NF2: variants seen among roughly 807,000 people sequenced by gnomAD.
The protein encoded by NF2 is NF2, moesin-ezrin-radixin like (MERLIN) tumor suppressor.
NF2 carries 8 observed loss-of-function variants against 83.7 expected under a neutral mutation model. That is an observed-to-expected ratio of 0.10 (90% confidence interval 0.06 to 0.17). NF2 has a LOEUF of 0.17. Among genes scored for constraint, NF2 ranks in the 10% least tolerant of loss-of-function variants. The pLI is 1.00. For missense variants in NF2, 533 were observed against 744.4 expected, an observed-to-expected ratio of 0.72 and a Z score of 3.31; for synonymous variants, 266 against 269.6, an observed-to-expected ratio of 0.99 and a Z score of 0.13.
intron 1 of NF2, among the ~76,000 whole-genome samples, chr22:29,608,400 A>C (rs73390916): frequency 0.034 from 5,077 of 149,748 alleles, 294 homozygotes; most frequent in African/African-American, 0.12. Context: ...TGCCTCAGCC[A>C]CCGCACAGTG....
intron 1 of NF2, among the ~76,000 whole-genome samples, chr22:29,615,585 A>G (rs1479135890): frequency 1.3e-5 from 2 of 151,946 alleles, no homozygotes; most frequent in African/African-American, 4.8e-5. Flanking sequence ...AAGGAAGACA[A>G]TTAGCTGGGT....
Position 29,685,300 on chromosome 22 carries a change from G to A in NF2, c.1737+3699G>A, listed in dbSNP as rs149044155. On this transcript the variant is annotated intron_variant, in intron 15 of 15. Coordinates refer to ENST00000338641, the MANE Select transcript of NF2 (RefSeq NM_000268.4). Reference sequence around the variant, plus strand: ...TTTTTGTATTTTTTATAGAGATGGGGTTTCGCCATGTTGCCCAGGCTGGTC... The same window carrying A: ...TTTTTGTATTTTTTATAGAGATGGGATTTCGCCATGTTGCCCAGGCTGGTC... Among the ~76,000 whole-genome samples the A allele has an allele frequency of 3.4e-3, 512 of 151,958 alleles. 1 individual carries two copies. Among genetic ancestry groups the A allele is most frequent in the African/African-American group, 0.012 (481 of 41,430 alleles).
At chr22:29,648,190 T>G (rs1410326412) in intron 4 of NF2, among the ~76,000 whole-genome samples, 1 of 151,392 alleles carries the variant, frequency 6.6e-6, no homozygotes, top group Non-Finnish European at 1.5e-5. Flanking sequence ...AAAAGGTAGG[T>G]GTCTAGAAGA....
At position 29,613,055 on chromosome 22, in the gene NF2, C is replaced by T. The variant is rs186129599; in HGVS notation, c.114+8943C>T. On this transcript the variant is annotated intron_variant, in intron 1 of 15. Transcript: ENST00000338641. ...CTTGCGGTGAGCTGAGATCACGCGC[C>T]ACTGCACTCCAGCTTGGGCAACAAG... 9.6e-4 allele frequency among the ~76,000 whole-genome samples: 146 copies of T among 151,470 alleles called. 1 individual carries two copies. The highest frequency in any genetic ancestry group is 1.4e-3 in the Admixed American group (22 of 15,228).
chr22:29,658,403 A>G (rs2066378692), intron 7 of NF2, 139 bp downstream of exon 7: 1 of 826,342 alleles, frequency 1.2e-6, no homozygotes, highest in South Asian at 1.4e-5. Flanking sequence ...GAGGAAGGAA[A>G]GAGAGGTCTT....
At chr22:29,688,554 G>A (rs2067322730) in intron 15 of NF2, among the ~76,000 whole-genome samples, 1 of 152,218 alleles carries the variant, frequency 6.6e-6, no homozygotes, top group Non-Finnish European at 1.5e-5. Flanking sequence ...AGGCCCATTA[G>A]GCCATTTGTC....
chr22:29,679,941 G>A (rs914846113), intron 14 of NF2, among the ~76,000 whole-genome samples: 2 of 152,158 alleles, frequency 1.3e-5, no homozygotes, highest in East Asian at 1.9e-4. Flanking sequence ...TCAAGGCACG[G>A]GCAGAGGTGG....
chr22:29,662,355 T>G (rs894894555), intron 8 of NF2, among the ~76,000 whole-genome samples: 1 of 152,200 alleles, frequency 6.6e-6, no homozygotes, highest in African/African-American at 2.4e-5. Context: ...CTTGAACTTC[T>G]GGGCTTGAGC....
intron 8 of NF2, among the ~76,000 whole-genome samples, chr22:29,662,123 CATTTT>C (rs2066496195): frequency 6.6e-6 from 1 of 152,138 alleles, no homozygotes; most frequent in South Asian, 2.1e-4. Context: ...ATTCTTCATT[CATTTT>C]ATTTTATTAT....
In NF2 at chr22:29,603,895, G is replaced by T; in HGVS notation, c.-104G>T. 1 of 890,132 alleles carries T rather than the reference G, an allele frequency of 1.1e-6. No homozygotes were observed. 55.1% of individuals were successfully genotyped at this position (890,132 alleles called of 1,614,324 possible). ...CAGACCGTTCCCGGGCCGGGCAGCC[G>T]GCCACCATGGTGGCCCTGAGGCCTG... is the stretch of plus-strand genomic sequence containing the variant. On this transcript the variant is annotated 5_prime_UTR_variant, in exon 1 of 16. Coordinates refer to ENST00000338641, the MANE Select transcript of NF2 (RefSeq NM_000268.4).
At chr22:29,671,252 C>T (rs1569304048) in intron 10 of NF2, among the ~76,000 whole-genome samples, 1 of 152,232 alleles carries the variant, frequency 6.6e-6, no homozygotes, top group East Asian at 1.9e-4. Context: ...CTCCTTCTGC[C>T]AGGCGCGGCG....
At chr22:29,673,117 T>G (rs1290272753) in intron 11 of NF2, 152 bp from the exon 12 acceptor site, 6 of 854,392 alleles carry the variant, frequency 7.0e-6, no homozygotes, top group African/African-American at 1.7e-5. Context: ...GAATGTGGCT[T>G]GTCATTTCTT....
At chr22:29,608,612 T>C (rs945278280) in intron 1 of NF2, among the ~76,000 whole-genome samples, 49 of 148,822 alleles carry the variant, frequency 3.3e-4, no homozygotes, top group African/African-American at 1.1e-3. Flanking sequence ...GAGGTTGTAG[T>C]GAGCAGAGAT....
intron 1 of NF2, among the ~76,000 whole-genome samples, chr22:29,629,782 G>A (rs775469171): frequency 1.3e-5 from 2 of 152,168 alleles, no homozygotes; most frequent in African/African-American, 2.4e-5. Flanking sequence ...CCGTTGAAAC[G>A]GCATTCTTCG....
At position 29,636,880 on chromosome 22, in the gene NF2, G is replaced by A. The variant is rs2146855010; in HGVS notation, c.240+4G>A. 1 of 1,614,064 alleles carries A rather than the reference G, an allele frequency of 6.2e-7. No individual in the cohort carries two copies. The highest frequency in any genetic ancestry group is 8.5e-7 in the Non-Finnish European group (1 of 1,180,026). On this transcript the variant is annotated splice_donor_region_variant and intron_variant, in intron 2 of 15. Transcript: ENST00000338641. This position sits in a 1 kb window ranked among gnomAD's most constrained non-coding sequence, Gnocchi z 4.4. Reference sequence around the variant, plus strand: ...CTGGCTCAAAATGGACAAGAAGGTTGGGCTAGAACTCGATGAAACTGGTGG... The same window carrying A: ...CTGGCTCAAAATGGACAAGAAGGTTAGGCTAGAACTCGATGAAACTGGTGG...
chr22:29,674,298 G>C (rs921237086), intron 12 of NF2, among the ~76,000 whole-genome samples: 7 of 152,168 alleles, frequency 4.6e-5, no homozygotes, highest in Non-Finnish European at 2.9e-5. Flanking sequence ...CTCACATGCC[G>C]TGACCACCTG....
chr22:29,623,377 G>C (rs1428303615), intron 1 of NF2, among the ~76,000 whole-genome samples: 3 of 152,150 alleles, frequency 2.0e-5, no homozygotes, highest in Non-Finnish European at 4.4e-5. Context: ...TAAAGTGGTT[G>C]GCATGCAAAA....
At chr22:29,620,663 G>A (rs895577628) in intron 1 of NF2, among the ~76,000 whole-genome samples, 1 of 151,466 alleles carries the variant, frequency 6.6e-6, no homozygotes, top group Admixed American at 6.6e-5. Context: ...TGCCTGAGGT[G>A]GAGGTTGCCT....
chr22:29,654,789 C>A (rs2146968225), intron 5 of NF2, 64 bp downstream of exon 5: 2 of 1,262,342 alleles, frequency 1.6e-6, no homozygotes, highest in South Asian at 1.2e-5. Context: ...GAAAGCTAAC[C>A]AAAGGACTTG....
Sources: gnomAD v4.1 joint callset for allele counts (sites outside exome capture counted in the v4.1 genomes callset) on GRCh38, gnomAD v4.1.1 for gene constraint, Gnocchi (gnomAD v3.1) non-coding constraint, MANE v1.5 for transcripts, NCBI Gene and HGNC (gene_info 2026-07-23, HGNC 2026-07-21) for gene names.